Variants in KY observed in about 807,000 individuals in gnomAD.
KY encodes the protein kyphoscoliosis peptidase.
In KY, 43 loss-of-function variants were observed where a neutral mutation model predicts 76.1. The ratio of observed to expected loss-of-function variants is 0.57; its 90% CI spans 0.44 to 0.73. KY has a LOEUF of 0.73. Among genes scored for constraint, KY ranks in the 30% least tolerant of loss-of-function variants. The pLI is 0.00. For synonymous variants in KY, 277 were observed against 326.2 expected, an observed-to-expected ratio of 0.85 and a Z score of 1.63; for missense variants, 722 against 828.9, an observed-to-expected ratio of 0.87 and a Z score of 1.58.
intron 2 of KY, among the ~76,000 whole-genome samples, chr3:134,643,783 G>A (rs984979177): frequency 6.6e-6 from 1 of 151,890 alleles, no homozygotes; most frequent in Non-Finnish European, 1.5e-5. Flanking sequence ...TTCTGACCTG[G>A]GACTTGAACC....
intron 2 of KY, among the ~76,000 whole-genome samples, chr3:134,646,709 C>T (rs1230393797): frequency 6.6e-6 from 1 of 152,130 alleles, no homozygotes; most frequent in Admixed American, 6.6e-5. Context: ...ATTTGATAAG[C>T]CAGTCATCTG....
At position 134,612,838 on chromosome 3, in the gene KY, G is replaced by A. The variant is rs374847799; in HGVS notation, c.711-2455C>T. On this transcript the variant is annotated intron_variant, in intron 8 of 10. Coordinates refer to ENST00000423778, the MANE Select transcript of KY (RefSeq NM_178554.6). ...GAAGGAGGGGCAGGGAGTGAGAGGG[G>A]GAGAGATGGCACAAAAGGCACCTGA... The A allele has an allele frequency of 2.7e-5, 4 of 150,574 alleles. No individual in the cohort carries two copies. In the East Asian group the frequency reaches 5.9e-4, roughly 22 times the overall value. The allele number at this position is 150,574 out of a possible 1,614,324, so 9.3% of individuals were successfully genotyped here.
At chr3:134,641,449 G>T (rs1218848348) in intron 3 of KY, among the ~76,000 whole-genome samples, 1 of 152,132 alleles carries the variant, frequency 6.6e-6, no homozygotes, top group African/African-American at 2.4e-5. Flanking sequence ...AGAAGGCAAT[G>T]TGACAATGGA....
At chr3:134,634,393 G>A (rs1341580582) in intron 3 of KY, among the ~76,000 whole-genome samples, 1 of 151,984 alleles carries the variant, frequency 6.6e-6, no homozygotes, top group Non-Finnish European at 1.5e-5. Flanking sequence ...GTTGGTAAGA[G>A]GATAGATAAA....
chr3:134,648,075 T>A (rs1212624265), intron 1 of KY, among the ~76,000 whole-genome samples: 1 of 152,238 alleles, frequency 6.6e-6, no homozygotes, highest in Non-Finnish European at 1.5e-5. Flanking sequence ...AAGCTCTCGC[T>A]CTGGCTGCGG....
intron 5 of KY, among the ~76,000 whole-genome samples, chr3:134,626,274 G>A (rs540409095): frequency 6.6e-6 from 1 of 152,316 alleles, no homozygotes; most frequent in East Asian, 1.9e-4. Context: ...GAGACCCCAG[G>A]GTATGGTAGG....
At chr3:134,646,313 T>C (rs575217278) in intron 2 of KY, among the ~76,000 whole-genome samples, 1 of 152,308 alleles carries the variant, frequency 6.6e-6, no homozygotes, top group Non-Finnish European at 1.5e-5. Flanking sequence ...TCAGGGTGGC[T>C]CCCTGGCAGT....
intron 1 of KY, among the ~76,000 whole-genome samples, chr3:134,649,258 A>G (rs1296710768): frequency 1.3e-5 from 2 of 152,210 alleles, no homozygotes; most frequent in East Asian, 3.8e-4. Context: ...ACTAGTGTGC[A>G]TACATGAGTC....
intron 3 of KY, among the ~76,000 whole-genome samples, chr3:134,642,386 CCTGTGAGAATACT>C (rs1965873855): frequency 6.6e-6 from 1 of 152,184 alleles, no homozygotes; most frequent in East Asian, 1.9e-4. Flanking sequence ...TATGGCTGAG[CCTGTGAGAATACT>C]CAGACACCAG....
At chr3:134,628,631 A>G (rs1200462802) in intron 4 of KY, among the ~76,000 whole-genome samples, 1 of 152,222 alleles carries the variant, frequency 6.6e-6, no homozygotes, top group East Asian at 1.9e-4. Context: ...TTTTGATAGA[A>G]TGATAAAGGT....
chr3:134,621,596 C>T (rs1962628697), intron 6 of KY, among the ~76,000 whole-genome samples: 1 of 152,182 alleles, frequency 6.6e-6, no homozygotes, highest in African/African-American at 2.4e-5. Context: ...AATATAAGAG[C>T]TTAAACCATA....
Position 134,602,757 on chromosome 3 carries a change from G to A in KY, c.*822C>T, listed in dbSNP as rs113391787. On this transcript the variant is annotated 3_prime_UTR_variant, in exon 11 of 11. Coordinates refer to ENST00000423778, the MANE Select transcript of KY (RefSeq NM_178554.6). ...GGCCTTAGACTGAACTACCTGCCCT[G>A]TGTACTCCTCTCAGAGCAGAGCTGG... is the stretch of plus-strand genomic sequence containing the variant. Among the ~76,000 whole-genome samples, 1,830 of 152,252 alleles carry A rather than the reference G, an allele frequency of 0.012. 32 individuals are homozygous for A. Among genetic ancestry groups the A allele is most frequent in the African/African-American group, 0.04 (1,676 of 41,544 alleles).
intron 7 of KY, 99 bp from the exon 8 acceptor site, chr3:134,619,364 G>A (rs1962175623): frequency 2.3e-6 from 2 of 869,578 alleles, no homozygotes; most frequent in African/African-American, 1.6e-5. Context: ...CCAGCCCCAG[G>A]AAACTACAGT....
Position 134,608,759 on chromosome 3 carries a change from A to G in KY, c.980T>C (p.Leu327Pro). Residue 327 changes from leucine (L) to proline (P), a missense_variant, in exon 10 of 11, where the codon CTA becomes CCA. Around this residue, in one of 2 missense-constraint regions of KY, gnomAD observed 552 missense variants for 680.9 expected, o/e 0.81. Coordinates refer to ENST00000423778, the MANE Select transcript of KY (RefSeq NM_178554.6). ...CTGCCTCAGAGATTGAGGAGGTTTT[A>G]GCAGCTGCCAGTTCTTGTTGTCTGG... ...HFPDNKNWQL[L>P]KPPQSLRQFE... 4.3e-6 allele frequency: 7 copies of G among 1,614,062 alleles called. No homozygotes were observed. Among genetic ancestry groups the G allele is most frequent in the Non-Finnish European group, 5.9e-6 (7 of 1,179,900 alleles).
chr3:134,643,660 G>A (rs1268486452), intron 2 of KY, among the ~76,000 whole-genome samples: 1 of 152,176 alleles, frequency 6.6e-6, no homozygotes, highest in Non-Finnish European at 1.5e-5. Context: ...AGTCTTCCAT[G>A]GTCTTTGTAG....
In KY at chr3:134,603,649, A is replaced by T; in HGVS notation, c.1916T>A (p.Val639Asp). Reference sequence around the variant, plus strand: ...GTGGTTGGCATTCTCCAGCACCATGACATAGACTTCCTGGCAGCCAGCTGT... The same window carrying T: ...GTGGTTGGCATTCTCCAGCACCATGTCATAGACTTCCTGGCAGCCAGCTGT... ...CSTAGCQEVY[V>D]MVLENANHNF... The change falls in exon 11 of 11, where the codon GTC (valine) becomes GAC (aspartate). Residue 639 changes from valine (V) to aspartate (D), a missense_variant. This residue lies in a region of KY where 552 missense variants were observed against 680.9 expected (regional missense o/e 0.81). Coordinates refer to ENST00000423778, the MANE Select transcript of KY (RefSeq NM_178554.6). 1 of 1,613,170 alleles carries T rather than the reference A, an allele frequency of 6.2e-7. No individual in the cohort carries two copies. Among genetic ancestry groups the T allele is most frequent in the Non-Finnish European group, 8.5e-7 (1 of 1,179,472 alleles).
In KY at chr3:134,602,245, C is replaced by A. The variant is rs1463036083; in HGVS notation, c.*1334G>T. 1.3e-5 allele frequency among the ~76,000 whole-genome samples: 2 copies of A among 152,136 alleles called. No individual in the cohort carries two copies. Among genetic ancestry groups the A allele is most frequent in the Non-Finnish European group, 2.9e-5 (2 of 68,016 alleles). On this transcript the variant is annotated 3_prime_UTR_variant, in exon 11 of 11. Transcript: ENST00000423778. ...CAGTGGCCATGTGGGGCCTCTCTCG[C>A]CTTTCCCTCTTATCTGCCCTCGCTG...
In KY at chr3:134,602,136, G is replaced by A. The variant is rs1397625675; in HGVS notation, c.*1443C>T. Among the ~76,000 whole-genome samples the A allele has an allele frequency of 6.6e-6, 1 of 152,172 alleles. No homozygotes were observed. Among genetic ancestry groups the A allele is most frequent in the Non-Finnish European group, 1.5e-5 (1 of 68,018 alleles). ...GGCAGTGCTGGCTCTCAGGGGTTGG[G>A]GGGCACTGAGACAGCCAGGGGCCAC... On this transcript the variant is annotated 3_prime_UTR_variant, in exon 11 of 11. Coordinates refer to ENST00000423778, the MANE Select transcript of KY (RefSeq NM_178554.6).
At chr3:134,606,722 A>G (rs1220838491) in intron 10 of KY, among the ~76,000 whole-genome samples, 1 of 152,054 alleles carries the variant, frequency 6.6e-6, no homozygotes, top group Non-Finnish European at 1.5e-5. Context: ...GGTTCTTGCC[A>G]AAGGTGTGTT....
Sources: gnomAD v4.1 joint callset for allele counts (sites outside exome capture counted in the v4.1 genomes callset) on GRCh38, gnomAD v4.1.1 for gene constraint, gnomAD v4.1.1 regional missense constraint, MANE v1.5 for transcripts, NCBI Gene and HGNC (gene_info 2026-07-23, HGNC 2026-07-21) for gene names.